Variants in PTGR2 observed in about 807,000 individuals in gnomAD.
PTGR2 encodes the protein 15-oxoprostaglandin 13-reductase.
Under a neutral mutation model 43.4 loss-of-function variants are expected in PTGR2, and 32 were observed. That is an observed-to-expected ratio of 0.74 (90% CI 0.56 to 0.99). The LOEUF is 0.99. Among genes scored for constraint, PTGR2 ranks in the 50% least tolerant of loss-of-function variants. PTGR2 has a pLI of 0.00. For missense variants in PTGR2, 373 were observed against 420.0 expected (o/e 0.89, Z 0.98); for synonymous variants, 106 against 139.2 (o/e 0.76, Z 1.68).
At chr14:73,880,842 G>A (rs1386806445) in intron 7 of PTGR2, among the ~76,000 whole-genome samples, 1 of 152,130 alleles carries the variant, frequency 6.6e-6, no homozygotes, top group African/African-American at 2.4e-5. Context: ...AGCCGCCCAG[G>A]CTGGAGTAAA....
In PTGR2 at chr14:73,884,624, T is replaced by C. The variant is rs1167561622; in HGVS notation, c.*447T>C. ...TTTACATGATTCTTAAACTGAAACT[T>C]GGTGTAAAAATAGAATTGAGATGGC... is the stretch of plus-strand genomic sequence containing the variant. On this transcript the variant is annotated 3_prime_UTR_variant, in exon 10 of 10. Transcript: ENST00000555661. 6.5e-6 allele frequency: 1 copy of C among 154,274 alleles called. No homozygotes were observed. The highest frequency in any genetic ancestry group is 1.4e-5 in the Non-Finnish European group (1 of 69,864). 9.6% of individuals were successfully genotyped at this position (154,274 alleles called of 1,614,324 possible). A position where few individuals can be genotyped will look rare whatever the true frequency, so the allele number is the denominator to read the frequency against.
intron 1 of PTGR2, among the ~76,000 whole-genome samples, chr14:73,854,744 C>A (rs144308179): frequency 3.4e-4 from 51 of 152,198 alleles, no homozygotes; most frequent in Admixed American, 2.3e-3. Context: ...CTTTTTAATC[C>A]TTATATAATT....
chr14:73,868,522 T>A (rs945115356), intron 3 of PTGR2, among the ~76,000 whole-genome samples: 4 of 152,152 alleles, frequency 2.6e-5, no homozygotes, highest in Admixed American at 6.5e-5. Context: ...AGGATTTGCT[T>A]ATTTTTAGAG....
chr14:73,880,277 T>A, intron 7 of PTGR2, 101 bp downstream of exon 7: 2 of 1,441,618 alleles, frequency 1.4e-6, no homozygotes, highest in Non-Finnish European at 1.9e-6. Flanking sequence ...TTTTCTTTAT[T>A]AAATAAAACT....
chr14:73,865,170 G>A (rs1290805129), intron 3 of PTGR2, among the ~76,000 whole-genome samples: 1 of 152,150 alleles, frequency 6.6e-6, no homozygotes, highest in African/African-American at 2.4e-5. Context: ...TGGAGAACCA[G>A]AGAAGCTGGT....
At chr14:73,875,961 G>T in intron 4 of PTGR2, among the ~76,000 whole-genome samples, 1 of 149,968 alleles carries the variant, frequency 6.7e-6, no homozygotes, top group African/African-American at 2.4e-5. Flanking sequence ...GCTGGGTTTT[G>T]GGCACCCACC....
rs186749702 is a variant in PTGR2, at chr14:73,884,205, T to C, written c.*28T>C. 262 of 1,369,700 alleles carry C rather than the reference T, an allele frequency of 1.9e-4. No homozygotes were observed. The highest frequency in any genetic ancestry group is 5.0e-4 in the Admixed American group (27 of 54,228). The allele number at this position is 1,369,700 out of a possible 1,614,324, so 84.8% of individuals were successfully genotyped here. Reference sequence around the variant, plus strand: ...GCTGTAAATGTCATCAAGGCAATCATAGATTTCTTTTCCATTTTGCATATT... The same window carrying C: ...GCTGTAAATGTCATCAAGGCAATCACAGATTTCTTTTCCATTTTGCATATT... On this transcript the variant is annotated 3_prime_UTR_variant, in exon 10 of 10. Transcript: ENST00000555661.
chr14:73,866,999 G>T (rs913180535), intron 3 of PTGR2, among the ~76,000 whole-genome samples: 1 of 144,792 alleles, frequency 6.9e-6, no homozygotes, highest in African/African-American at 2.6e-5. Flanking sequence ...TGAGGCAAGA[G>T]AATTGTTTGA....
intron 4 of PTGR2, chr14:73,874,491 C>T (rs1731731972): frequency 2.0e-6 from 1 of 507,912 alleles, no homozygotes; most frequent in African/African-American, 1.9e-5. Context: ...TGTATGTGCA[C>T]TGGAGCCTCA....
intron 7 of PTGR2, 66 bp downstream of exon 7, chr14:73,880,242 A>C (rs2054951110): frequency 1.3e-6 from 2 of 1,570,050 alleles, no homozygotes; most frequent in South Asian, 2.2e-5. Context: ...GATGTGTATG[A>C]AATCTATTGT....
intron 6 of PTGR2, chr14:73,879,532 T>A (rs1246769819): frequency 8.5e-6 from 4 of 472,210 alleles, no homozygotes; most frequent in Non-Finnish European, 1.5e-5. Context: ...CTACCAATAT[T>A]ATATTTTTCA....
At chr14:73,852,349 T>A (rs955178408) in intron 1 of PTGR2, among the ~76,000 whole-genome samples, 2 of 151,964 alleles carry the variant, frequency 1.3e-5, no homozygotes, top group African/African-American at 4.8e-5. Flanking sequence ...GCAGCCTCCA[T>A]CTCTCGGGTT....
intron 4 of PTGR2, among the ~76,000 whole-genome samples, chr14:73,876,499 T>TTTTTTTTTTTA (rs2054869204): frequency 6.7e-6 from 1 of 149,752 alleles, no homozygotes; most frequent in African/African-American, 2.5e-5. Context: ...TTTTTTTTTT[T>TTTTTTTTTTTA]GAGATGAAGT....
intron 5 of PTGR2, chr14:73,878,586 G>T: frequency 2.5e-6 from 1 of 399,374 alleles, no homozygotes; most frequent in Non-Finnish European, 4.8e-6. Flanking sequence ...GCGGCAACAA[G>T]CTGTAGCTCC....
At chr14:73,870,039 A>C (rs1255112237) in intron 3 of PTGR2, among the ~76,000 whole-genome samples, 1 of 152,190 alleles carries the variant, frequency 6.6e-6, no homozygotes, top group African/African-American at 2.4e-5. Context: ...AGAGAAAAAA[A>C]AAAAAGAATC....
At chr14:73,873,752 C>T (rs2054791211) in intron 3 of PTGR2, among the ~76,000 whole-genome samples, 1 of 152,138 alleles carries the variant, frequency 6.6e-6, no homozygotes, top group African/African-American at 2.4e-5. Context: ...GCCTGAGCCA[C>T]CGTTCCCAGC....
intron 1 of PTGR2, among the ~76,000 whole-genome samples, chr14:73,857,670 T>TC (rs2054387097): frequency 8.6e-6 from 1 of 115,876 alleles, no homozygotes; most frequent in South Asian, 3.5e-4. Flanking sequence ...TAGTGTTTTT[T>TC]TTTTTTTTTT....
chr14:73,864,680 A>T (rs1329479003), intron 3 of PTGR2, among the ~76,000 whole-genome samples: 1 of 152,152 alleles, frequency 6.6e-6, no homozygotes, highest in Non-Finnish European at 1.5e-5. Context: ...TTGTTTATAT[A>T]TTCTTGATAT....
chr14:73,852,971 G>A (rs1166516518), intron 1 of PTGR2, among the ~76,000 whole-genome samples: 1 of 152,014 alleles, frequency 6.6e-6, no homozygotes. Flanking sequence ...GACTATAGGC[G>A]CCCACCACCA....
Sources: gnomAD v4.1 joint callset for allele counts (sites outside exome capture counted in the v4.1 genomes callset) on GRCh38, gnomAD v4.1.1 for gene constraint, MANE v1.5 for transcripts, NCBI Gene and HGNC (gene_info 2026-07-23, HGNC 2026-07-21) for gene names.